The following RGS6 variants were observed in gnomAD, a reference collection of about 807,000 sequenced individuals.
RGS6 encodes regulator of G protein signaling 6.
A neutral mutation model predicts 78.5 loss-of-function variants in RGS6; 30 were observed. The ratio of observed to expected loss-of-function variants is 0.38; its 90% CI spans 0.29 to 0.52. The LOEUF is 0.52. Among genes scored for constraint, RGS6 ranks in the 20% least tolerant of loss-of-function variants. The pLI is 0.85. For missense variants in RGS6, 495 were observed against 609.7 expected (o/e 0.81, Z 1.98); for synonymous variants, 206 against 206.0 (o/e 1.00, Z 0.00).
chr14:72,061,478 T>A (rs987264240), intron 2 of RGS6, among the ~76,000 whole-genome samples: 4 of 152,180 alleles, frequency 2.6e-5, no homozygotes, highest in Non-Finnish European at 4.4e-5. Context: ...ACTCTTTATT[T>A]AGCCACATTA....
At chr14:72,173,141 C>T (rs1275920010) in intron 2 of RGS6, among the ~76,000 whole-genome samples, 3 of 151,968 alleles carry the variant, frequency 2.0e-5, no homozygotes, top group African/African-American at 7.2e-5. Context: ...AGACACCTTT[C>T]CTGCTGGGGA....
intron 1 of RGS6, among the ~76,000 whole-genome samples, chr14:71,945,423 C>T (rs567376630): frequency 2.1e-4 from 32 of 152,244 alleles, no homozygotes; most frequent in African/African-American, 7.5e-4. Flanking sequence ...GAGTTGCAAA[C>T]TCAAACACTC....
At chr14:72,260,278 G>C (rs1053108827) in intron 2 of RGS6, among the ~76,000 whole-genome samples, 21 of 152,180 alleles carry the variant, frequency 1.4e-4, no homozygotes, top group African/African-American at 4.8e-4. Flanking sequence ...AAGATGTTTT[G>C]AGCGCTGAGT....
chr14:72,371,356 A>G (rs544465642), intron 3 of RGS6, among the ~76,000 whole-genome samples: 1 of 152,170 alleles, frequency 6.6e-6, no homozygotes, highest in Non-Finnish European at 1.5e-5. Context: ...CTCCTGGAAG[A>G]AAAAATGCTA....
the RGS6 span, among the ~76,000 whole-genome samples, chr14:72,623,355 T>C: frequency 6.6e-6 from 1 of 152,192 alleles, no homozygotes; most frequent in African/African-American, 2.4e-5. Flanking sequence ...ATGAATTTGG[T>C]TATGTATCCA....
chr14:72,059,089 G>T (rs1367598389), intron 2 of RGS6, among the ~76,000 whole-genome samples: 1 of 152,112 alleles, frequency 6.6e-6, no homozygotes, highest in African/African-American at 2.4e-5. Context: ...TAGTAGAGAC[G>T]GGGTTTTGCC....
At chr14:72,068,711 G>A (rs913970773) in intron 2 of RGS6, among the ~76,000 whole-genome samples, 2 of 151,420 alleles carry the variant, frequency 1.3e-5, no homozygotes, top group Non-Finnish European at 1.5e-5. Flanking sequence ...TGGCTAGGCT[G>A]GTCTTGAACT....
intron 7 of RGS6, among the ~76,000 whole-genome samples, chr14:72,468,185 C>G (rs1015585910): frequency 1.3e-5 from 2 of 152,090 alleles, no homozygotes; most frequent in Admixed American, 6.5e-5. Context: ...TCGAGACCAT[C>G]CTGGCTAACA....
At chr14:72,195,716 A>T (rs1360141318) in intron 2 of RGS6, among the ~76,000 whole-genome samples, 1 of 152,234 alleles carries the variant, frequency 6.6e-6, no homozygotes, top group African/African-American at 2.4e-5. Context: ...GCAGCAAGTG[A>T]TCAAGTTACC....
intron 2 of RGS6, among the ~76,000 whole-genome samples, chr14:72,179,095 C>T (rs763413032): frequency 2.6e-5 from 4 of 152,196 alleles, no homozygotes; most frequent in African/African-American, 9.7e-5. Context: ...CCAAGATTTT[C>T]TCTGGAAAAG....
chr14:72,142,686 T>A (rs1426136811), intron 2 of RGS6, among the ~76,000 whole-genome samples: 1 of 152,228 alleles, frequency 6.6e-6, no homozygotes, highest in African/African-American at 2.4e-5. Context: ...AATGGCCATA[T>A]AATATAACCT....
At chr14:72,169,055 G>C (rs1326732188) in intron 2 of RGS6, among the ~76,000 whole-genome samples, 1 of 152,124 alleles carries the variant, frequency 6.6e-6, no homozygotes, top group Admixed American at 6.5e-5. Flanking sequence ...ATATAACCAG[G>C]CACAGAAAGT....
intron 2 of RGS6, among the ~76,000 whole-genome samples, chr14:72,112,381 C>T (rs2095788792): frequency 6.6e-6 from 1 of 152,152 alleles, no homozygotes; most frequent in African/African-American, 2.4e-5. Context: ...GGCTTCTCCT[C>T]CAGGGATTAA....
the RGS6 span, among the ~76,000 whole-genome samples, chr14:71,925,602 A>C: frequency 6.6e-6 from 1 of 151,342 alleles, no homozygotes; most frequent in Non-Finnish European, 1.5e-5. Flanking sequence ...TAAGGGTCCA[A>C]TTTCATTCTT....
chr14:72,290,674 C>A (rs988047785), intron 2 of RGS6, among the ~76,000 whole-genome samples: 1 of 152,156 alleles, frequency 6.6e-6, no homozygotes, highest in Non-Finnish European at 1.5e-5. Context: ...AAGGAAGAAA[C>A]TAGGCATATA....
the RGS6 span, among the ~76,000 whole-genome samples, chr14:72,590,613 G>A: frequency 6.6e-6 from 1 of 152,186 alleles, no homozygotes; most frequent in South Asian, 2.1e-4. Flanking sequence ...GGGTTGCAGG[G>A]GCCAAAATAA....
At chr14:72,525,403 T>A (rs912407172) in intron 15 of RGS6, among the ~76,000 whole-genome samples, 2 of 152,230 alleles carry the variant, frequency 1.3e-5, no homozygotes, top group African/African-American at 4.8e-5. Context: ...ACAGCTCTGC[T>A]TGGCCTTGAT....
intron 17 of RGS6, among the ~76,000 whole-genome samples, chr14:72,560,989 T>A (rs1166689625): frequency 6.6e-6 from 1 of 152,092 alleles, no homozygotes; most frequent in Non-Finnish European, 1.5e-5. Context: ...CAAACTCCCA[T>A]CTATAGCACC....
chr14:72,130,412 TC>T (rs2096289430), intron 2 of RGS6, among the ~76,000 whole-genome samples: 1 of 152,062 alleles, frequency 6.6e-6, no homozygotes, highest in Non-Finnish European at 1.5e-5. Context: ...TCCCCAGAGG[TC>T]AGGGACAAGG....
Sources: gnomAD v4.1 joint callset for allele counts (sites outside exome capture counted in the v4.1 genomes callset) on GRCh38, gnomAD v4.1.1 for gene constraint, MANE v1.5 for transcripts, NCBI Gene and HGNC (gene_info 2026-07-23, HGNC 2026-07-21) for gene names.